Variants in OSBPL3 observed in about 807,000 individuals in gnomAD.
OSBPL3 encodes oxysterol-binding protein-related protein 3.
In OSBPL3, 65 loss-of-function variants were observed where a neutral mutation model predicts 120.1. That is an observed-to-expected ratio of 0.54 (90% CI 0.44 to 0.67). The LOEUF is 0.67. Among genes scored for constraint, OSBPL3 ranks in the 30% least tolerant of loss-of-function variants. The pLI, the probability that OSBPL3 is intolerant of heterozygous loss-of-function variation, is 0.00. For synonymous variants in OSBPL3, 416 were observed against 402.6 expected, an observed-to-expected ratio of 1.03 and a Z score of -0.40; for missense variants, 1,004 against 1,082.1, an observed-to-expected ratio of 0.93 and a Z score of 1.01.
chr7:24,834,582 G>A lies in OSBPL3; in HGVS notation c.1650C>T (p.Asn550=), dbSNP rs746830121. 12 of 1,613,978 alleles carry A rather than the reference G, an allele frequency of 7.4e-6. No individual in the cohort carries two copies. The highest frequency in any genetic ancestry group is 5.5e-5 in the South Asian group (5 of 91,080). ...LSKVAMPVEL[N]EPLNTLQRLC... Reference sequence around the variant, plus strand: ...GCCTCTGCAGCGTGTTCAGGGGCTCGTTCAGCTCCACCGGCATGGCCACCT... The same window carrying A: ...GCCTCTGCAGCGTGTTCAGGGGCTCATTCAGCTCCACCGGCATGGCCACCT... The change falls in exon 15 of 23, where the codon AAC becomes AAT. Residue 550 remains asparagine (N), a synonymous_variant. Transcript: ENST00000313367. This position sits in a 1 kb window ranked among gnomAD's most constrained non-coding sequence, Gnocchi z 5.2.
chr7:24,890,876 A>G (rs1805243792), intron 2 of OSBPL3, among the ~76,000 whole-genome samples: 1 of 152,254 alleles, frequency 6.6e-6, no homozygotes, highest in African/African-American at 2.4e-5. Flanking sequence ...AACCAAATCA[A>G]TTCCAAATAA....
chr7:24,884,998 A>T (rs1804280980), intron 2 of OSBPL3, among the ~76,000 whole-genome samples: 1 of 152,110 alleles, frequency 6.6e-6, no homozygotes, highest in Non-Finnish European at 1.5e-5. Flanking sequence ...AAAGAAATAA[A>T]TGGGGCCAGG....
rs1167279084 is a variant in OSBPL3, at chr7:24,805,200, A to G, written c.2445-763T>C. ...ATCATACCCAATTTATATTCCCATC[A>G]GCAATGCTGAGAGTGCCCTTTTCTC... is the stretch of plus-strand genomic sequence containing the variant. On this transcript the variant is annotated intron_variant, in intron 21 of 22. Coordinates refer to ENST00000313367, the MANE Select transcript of OSBPL3 (RefSeq NM_015550.4). The surrounding 1 kb of genome is among the most constrained non-coding windows in gnomAD (Gnocchi z 4.0). Among the ~76,000 whole-genome samples the G allele has an allele frequency of 1.3e-5, 2 of 152,356 alleles. No homozygotes were observed. The highest frequency in any genetic ancestry group is 3.9e-4 in the East Asian group (2 of 5,192).
At chr7:24,970,613 G>C (rs191110661) in intron 1 of OSBPL3, among the ~76,000 whole-genome samples, 3 of 148,906 alleles carry the variant, frequency 2.0e-5, no homozygotes, top group Admixed American at 1.3e-4. Context: ...TAGAGAGAAG[G>C]AGGAGTGCTA....
At position 24,816,653 on chromosome 7, in the gene OSBPL3, T is replaced by C. The variant is rs755906385; in HGVS notation, c.1984A>G (p.Met662Val). 8.7e-6 allele frequency: 14 copies of C among 1,612,986 alleles called. No individual in the cohort carries two copies. Among genetic ancestry groups the C allele is most frequent in the East Asian group, 4.5e-5 (2 of 44,896 alleles). ...GTTGTGCCAATTGGAACAATTTCCA[T>C]GGATTTGCCCCAGAATTTGTTTTTC... ...RWKNKFWGKS[M>V]EIVPIGTTHV... Residue 662 changes from methionine to valine, a missense_variant, in exon 18 of 23, where the codon ATG (methionine) becomes GTG (valine). Physicochemically the swap from Met to Val is conservative, Grantham distance 21 (BLOSUM62 1). Coordinates refer to ENST00000313367, the MANE Select transcript of OSBPL3 (RefSeq NM_015550.4).
At chr7:24,840,005 A>C (rs1797524742) in intron 14 of OSBPL3, among the ~76,000 whole-genome samples, 1 of 148,344 alleles carries the variant, frequency 6.7e-6, no homozygotes, top group Non-Finnish European at 1.5e-5. Context: ...AAAAAAAAAA[A>C]AAAAAAAAAA....
Position 24,821,425 on chromosome 7 carries a change from A to G in OSBPL3, c.1885-1187T>C. 6.6e-6 allele frequency among the ~76,000 whole-genome samples: 1 copy of G among 152,204 alleles called. No individual in the cohort carries two copies. The highest frequency in any genetic ancestry group is 1.9e-4 in the East Asian group (1 of 5,198). Reference sequence around the variant, plus strand: ...AATACTGAGCCCTTGCTTGAGATAAACAGGTGGGGAGGAAGGGAGGGCAGT... The same window carrying G: ...AATACTGAGCCCTTGCTTGAGATAAGCAGGTGGGGAGGAAGGGAGGGCAGT... On this transcript the variant is annotated intron_variant, in intron 16 of 22. Coordinates refer to ENST00000313367, the MANE Select transcript of OSBPL3 (RefSeq NM_015550.4). This position sits in a 1 kb window ranked among gnomAD's most constrained non-coding sequence, Gnocchi z 5.5.
intron 1 of OSBPL3, among the ~76,000 whole-genome samples, chr7:24,935,424 T>A (rs1316452637): frequency 6.6e-6 from 1 of 152,176 alleles, no homozygotes; most frequent in South Asian, 2.1e-4. Context: ...TTGTATATAT[T>A]TCCATAAAAT....
chr7:24,866,304 A>G, intron 5 of OSBPL3, 67 bp from the exon 6 acceptor site: 2 of 1,154,714 alleles, frequency 1.7e-6, no homozygotes, highest in Non-Finnish European at 2.6e-6. Flanking sequence ...ATTACTCATC[A>G]AATTGAGGCC....
intron 16 of OSBPL3, among the ~76,000 whole-genome samples, chr7:24,826,527 A>T (rs76764009): frequency 2.1e-3 from 324 of 151,972 alleles, no homozygotes; most frequent in African/African-American, 7.3e-3. Context: ...CACACAAGAG[A>T]CCCCACAGAG....
intron 1 of OSBPL3, among the ~76,000 whole-genome samples, chr7:24,917,395 T>TATATATATA: frequency 1.5e-5 from 1 of 66,630 alleles, no homozygotes; most frequent in African/African-American, 6.2e-5. Flanking sequence ...ATATATATAT[T>TATATATATA]TGTAACATAT....
intron 10 of OSBPL3, among the ~76,000 whole-genome samples, chr7:24,858,181 C>T (rs1055673556): frequency 1.3e-5 from 2 of 152,170 alleles, no homozygotes; most frequent in African/African-American, 4.8e-5. Context: ...TGGTTCCCTA[C>T]CATTTGATCT....
chr7:24,957,265 C>T (rs537071108), intron 1 of OSBPL3, among the ~76,000 whole-genome samples: 89 of 151,552 alleles, frequency 5.9e-4, no homozygotes, highest in Non-Finnish European at 1.1e-3. Flanking sequence ...GCCTGCCTTC[C>T]GGTCAATTAA....
chr7:24,917,409 T>TTTGTA (rs879513146), intron 1 of OSBPL3, among the ~76,000 whole-genome samples: 3,225 of 134,960 alleles, frequency 0.024, 242 homozygotes, highest in African/African-American at 0.091. Context: ...AACATATATA[T>TTTGTA]ATATATATAT....
intron 1 of OSBPL3, among the ~76,000 whole-genome samples, chr7:24,941,505 C>T (rs976973624): frequency 2.6e-5 from 4 of 152,212 alleles, no homozygotes; most frequent in African/African-American, 7.2e-5. Context: ...TGATGCCACA[C>T]ACAGTTGCCA....
chr7:24,970,769 G>A (rs1220683981), intron 1 of OSBPL3, among the ~76,000 whole-genome samples: 1 of 152,106 alleles, frequency 6.6e-6, no homozygotes, highest in Non-Finnish European at 1.5e-5. Context: ...GGCTTAAAAC[G>A]TTAGTGTGCA....
chr7:24,899,791 C>A lies in OSBPL3; in HGVS notation c.-149-7170G>T, dbSNP rs574741309. ...CAATTTCTCAAAGTGTCCAGATCCACCTTCTTCAAAGTCTTCCGGATTCTT... is the reference window on the plus strand; with the variant it reads ...CAATTTCTCAAAGTGTCCAGATCCAACTTCTTCAAAGTCTTCCGGATTCTT... On this transcript the variant is annotated intron_variant, in intron 1 of 22. Transcript: ENST00000313367. The surrounding 1 kb of genome is among the most constrained non-coding windows in gnomAD (Gnocchi z 4.0). Among the ~76,000 whole-genome samples, 6 of 152,350 alleles carry A rather than the reference C, an allele frequency of 3.9e-5. No individual in the cohort carries two copies. In the East Asian group the frequency reaches 1.2e-3, roughly 29 times the overall value.
chr7:24,804,420 T>A lies in OSBPL3; in HGVS notation c.2462A>T (p.Asn821Ile). 6.2e-7 allele frequency: 1 copy of A among 1,613,880 alleles called. No individual in the cohort carries two copies. The highest frequency in any genetic ancestry group is 8.5e-7 in the Non-Finnish European group (1 of 1,179,866). The change falls in exon 22 of 23, where the codon AAC becomes ATC. Residue 821 changes from asparagine (N) to isoleucine (I), a missense_variant. Physicochemically the swap from Asn to Ile is moderately radical, Grantham distance 149 (BLOSUM62 -3). This residue lies in a region of OSBPL3 where 473 missense variants were observed against 568.0 expected (regional missense o/e 0.83). Coordinates refer to ENST00000313367, the MANE Select transcript of OSBPL3 (RefSeq NM_015550.4). This position sits in a 1 kb window ranked among gnomAD's most constrained non-coding sequence, Gnocchi z 5.4. ...RPDQRFLEEG[N>I]LEEAEIQKQR... ...CTTTTGTATTTCAGCTTCTTCTAAG[T>A]TCCCTTCCTCTAGAAACCTGAGGCA... is the stretch of plus-strand genomic sequence containing the variant.
chr7:24,870,603 T>A, intron 5 of OSBPL3, 129 bp downstream of exon 5: 1 of 652,294 alleles, frequency 1.5e-6, no homozygotes. Flanking sequence ...ACACTGTACA[T>A]GAGAAACACT....
Sources: gnomAD v4.1 joint callset for allele counts (sites outside exome capture counted in the v4.1 genomes callset) on GRCh38, gnomAD v4.1.1 for gene constraint, gnomAD v4.1.1 regional missense constraint, Gnocchi (gnomAD v3.1) non-coding constraint, MANE v1.5 for transcripts, NCBI Gene and HGNC (gene_info 2026-07-23, HGNC 2026-07-21) for gene names.